The following RBMS3 variants were observed in gnomAD, a reference collection of about 807,000 sequenced individuals.
The protein encoded by RBMS3 is RNA binding motif single stranded interacting protein 3.
RBMS3 carries 27 observed loss-of-function variants against 66.8 expected under a neutral mutation model. That is an observed-to-expected ratio of 0.40 (90% CI 0.30 to 0.56). The LOEUF (loss-of-function observed/expected upper bound fraction) is 0.56, where lower values mean the gene tolerates loss of function less well. RBMS3 is among the 20% of genes least tolerant of loss of function. The pLI is 0.40. For missense variants in RBMS3, 513 were observed against 549.5 expected, an observed-to-expected ratio of 0.93 and a Z score of 0.66; for synonymous variants, 188 against 183.0, an observed-to-expected ratio of 1.03 and a Z score of -0.22.
intron 6 of RBMS3, among the ~76,000 whole-genome samples, chr3:29,765,310 A>G (rs2055875059): frequency 6.6e-6 from 1 of 151,982 alleles, no homozygotes; most frequent in Non-Finnish European, 1.5e-5. Flanking sequence ...ACTTTCAGAA[A>G]TGTATGTCTT....
chr3:29,932,543 A>G (rs556104059), intron 10 of RBMS3, among the ~76,000 whole-genome samples: 3 of 152,298 alleles, frequency 2.0e-5, no homozygotes, highest in African/African-American at 7.2e-5. Context: ...TTGGGGTGGC[A>G]CTGACCTAGA....
intron 3 of RBMS3, among the ~76,000 whole-genome samples, chr3:29,533,472 G>A (rs2045440216): frequency 6.6e-6 from 1 of 151,928 alleles, no homozygotes; most frequent in African/African-American, 2.4e-5. Context: ...ACACAGTGAG[G>A]CCCTATCTCA....
In RBMS3 at chr3:30,008,142, C is replaced by T. The variant is rs1470030788; in HGVS notation, c.*4280C>T. 2.7e-5 allele frequency: 4 copies of T among 150,792 alleles called. No homozygotes were observed. Among genetic ancestry groups the T allele is most frequent in the Admixed American group, 6.6e-5 (1 of 15,190 alleles). The allele number at this position is 150,792 out of a possible 1,614,324, so 9.3% of individuals were successfully genotyped here. On this transcript the variant is annotated 3_prime_UTR_variant, in exon 15 of 15. Transcript: ENST00000383767. ...TTTGCTAAATACCTATTTTTTTTTA[C>T]AGTGGCCTAAAACCCCTATTAATGA...
chr3:29,439,497 G>A (rs1053931350), intron 2 of RBMS3, among the ~76,000 whole-genome samples: 1 of 152,088 alleles, frequency 6.6e-6, no homozygotes, highest in Non-Finnish European at 1.5e-5. Context: ...CCGTTAAAAA[G>A]CAGGGACATG....
Position 29,681,529 on chromosome 3 carries a change from G to T in RBMS3, c.400-58191G>T, listed in dbSNP as rs146889958. Reference sequence around the variant, plus strand: ...ACACAATCCCCCCAGACAGGCCCCAGTGTGTATTGTTCCCCCTTCCATGTG... The same window carrying T: ...ACACAATCCCCCCAGACAGGCCCCATTGTGTATTGTTCCCCCTTCCATGTG... On this transcript the variant is annotated intron_variant, in intron 4 of 14. Coordinates refer to ENST00000383767, the MANE Select transcript of RBMS3 (RefSeq NM_001003793.3). Among the ~76,000 whole-genome samples the T allele has an allele frequency of 3.0e-3, 407 of 133,608 alleles. 3 individuals are homozygous for T. Among genetic ancestry groups the T allele is most frequent in the Middle Eastern group, 0.028 (6 of 216 alleles). 87.7% of individuals were successfully genotyped at this position (133,608 alleles called of 152,430 possible). A position where few individuals can be genotyped will look rare whatever the true frequency, so the allele number is the denominator to read the frequency against.
intron 1 of RBMS3, among the ~76,000 whole-genome samples, chr3:29,301,288 G>C (rs1258961208): frequency 6.6e-6 from 1 of 151,954 alleles, no homozygotes; most frequent in East Asian, 1.9e-4. Context: ...AGTCTAACAA[G>C]AGAGCTTTAT....
intron 1 of RBMS3, among the ~76,000 whole-genome samples, chr3:29,350,284 A>G (rs1263888436): frequency 6.6e-6 from 1 of 152,082 alleles, no homozygotes; most frequent in African/African-American, 2.4e-5. Context: ...GCTAGTTAGC[A>G]TGGTTCATAA....
At chr3:29,894,261 C>T (rs1387772751) in intron 8 of RBMS3, among the ~76,000 whole-genome samples, 1 of 151,488 alleles carries the variant, frequency 6.6e-6, no homozygotes, top group Admixed American at 6.6e-5. Flanking sequence ...CACTCTTGCC[C>T]AGGCTGGAGT....
intron 8 of RBMS3, among the ~76,000 whole-genome samples, chr3:29,891,599 A>G (rs983164929): frequency 6.6e-6 from 1 of 151,488 alleles, no homozygotes; most frequent in Admixed American, 6.6e-5. Context: ...TCCCTCCCAT[A>G]TTCAAAATCT....
At chr3:29,899,914 G>A (rs1429899556) in intron 10 of RBMS3, among the ~76,000 whole-genome samples, 159 bp downstream of exon 10, 4 of 151,646 alleles carry the variant, frequency 2.6e-5, no homozygotes, top group African/African-American at 7.3e-5. Flanking sequence ...TTCTACAAAA[G>A]CATGTACAAT....
chr3:29,918,909 G>A (rs933022052), intron 10 of RBMS3, among the ~76,000 whole-genome samples: 1 of 151,734 alleles, frequency 6.6e-6, no homozygotes, highest in Non-Finnish European at 1.5e-5. Flanking sequence ...TTCTTCTAAA[G>A]TAATAATATT....
chr3:29,599,461 A>G (rs1576332279), intron 4 of RBMS3, among the ~76,000 whole-genome samples: 1 of 152,034 alleles, frequency 6.6e-6, no homozygotes, highest in Non-Finnish European at 1.5e-5. Flanking sequence ...GTCTAACATA[A>G]CAGTGAGTAC....
chr3:29,901,204 A>G (rs1282209586), intron 10 of RBMS3, among the ~76,000 whole-genome samples: 1 of 151,814 alleles, frequency 6.6e-6, no homozygotes, highest in Non-Finnish European at 1.5e-5. Flanking sequence ...GTCATAAGGT[A>G]AAATTCAGTT....
intron 1 of RBMS3, among the ~76,000 whole-genome samples, chr3:29,313,587 C>G (rs2034504716): frequency 6.6e-6 from 1 of 151,594 alleles, no homozygotes; most frequent in Non-Finnish European, 1.5e-5. Context: ...CCACGGCTGC[C>G]CCTTAAGTTT....
intron 2 of RBMS3, among the ~76,000 whole-genome samples, chr3:29,465,473 G>A (rs982899483): frequency 1.8e-4 from 27 of 149,106 alleles, no homozygotes; most frequent in African/African-American, 6.6e-4. Flanking sequence ...TGGCCTATTG[G>A]ACGGTCTTCA....
chr3:29,843,565 C>T (rs963764072), intron 6 of RBMS3, among the ~76,000 whole-genome samples: 4 of 152,120 alleles, frequency 2.6e-5, no homozygotes, highest in South Asian at 2.1e-4. Context: ...AAAAATGTAT[C>T]GAGCCACGGA....
At chr3:29,547,522 CAAG>C (rs1458048694) in intron 3 of RBMS3, among the ~76,000 whole-genome samples, 1 of 151,572 alleles carries the variant, frequency 6.6e-6, no homozygotes, top group African/African-American at 2.4e-5. Context: ...TTAGGAAAGA[CAAG>C]AGGAAAGAAA....
At chr3:29,750,170 A>G (rs1173348256) in intron 5 of RBMS3, among the ~76,000 whole-genome samples, 2 of 146,536 alleles carry the variant, frequency 1.4e-5, no homozygotes, top group African/African-American at 2.8e-5. Context: ...TCATTAATGT[A>G]TCAGCTTTTT....
chr3:29,395,388 A>G (rs928574253), intron 1 of RBMS3, among the ~76,000 whole-genome samples: 1 of 152,156 alleles, frequency 6.6e-6, no homozygotes, highest in Non-Finnish European at 1.5e-5. Flanking sequence ...ACACTGGGTC[A>G]GTGGTCATAA....
Sources: gnomAD v4.1 joint callset for allele counts (sites outside exome capture counted in the v4.1 genomes callset) on GRCh38, gnomAD v4.1.1 for gene constraint, MANE v1.5 for transcripts, NCBI Gene and HGNC (gene_info 2026-07-23, HGNC 2026-07-21) for gene names.